HHAT: variants seen among roughly 807,000 people sequenced by gnomAD.
HHAT encodes hedgehog acyltransferase.
In HHAT, 47 loss-of-function variants were observed where a neutral mutation model predicts 70.8. The observed-to-expected ratio is 0.66, with a 90% CI of 0.53 to 0.85. HHAT has a LOEUF of 0.85. Among genes scored for constraint, HHAT ranks in the 40% least tolerant of loss-of-function variants. HHAT has a pLI of 0.00. For synonymous variants in HHAT, 228 were observed against 247.6 expected, an observed-to-expected ratio of 0.92 and a Z score of 0.74; for missense variants, 609 against 604.8, an observed-to-expected ratio of 1.01 and a Z score of -0.07.
At chr1:210,501,147 C>G (rs186151592) in intron 8 of HHAT, among the ~76,000 whole-genome samples, 1 of 152,352 alleles carries the variant, frequency 6.6e-6, no homozygotes, top group African/African-American at 2.4e-5. Flanking sequence ...TGCTGGAGGA[C>G]CACACTCTGC....
intron 8 of HHAT, among the ~76,000 whole-genome samples, chr1:210,490,137 T>C (rs762583573): frequency 3.3e-5 from 5 of 152,368 alleles, no homozygotes; most frequent in Middle Eastern, 6.8e-3. Flanking sequence ...AAGTTTGGCA[T>C]CTGAGCTTTG....
At chr1:210,499,669 G>A (rs981164125) in intron 8 of HHAT, among the ~76,000 whole-genome samples, 2 of 151,792 alleles carry the variant, frequency 1.3e-5, no homozygotes, top group Non-Finnish European at 2.9e-5. Context: ...TTATGGAAGG[G>A]AAAATAGCCA....
chr1:210,631,810 T>C (rs905519749), intron 11 of HHAT, among the ~76,000 whole-genome samples: 5 of 152,280 alleles, frequency 3.3e-5, no homozygotes, highest in African/African-American at 1.2e-4. Flanking sequence ...TCAGGAATTC[T>C]ATCTGGCATG....
intron 3 of HHAT, among the ~76,000 whole-genome samples, chr1:210,376,014 ATTTTTTT>A (rs57707354): frequency 6.3e-4 from 69 of 108,894 alleles, no homozygotes; most frequent in African/African-American, 1.8e-3. Context: ...TGCACAGCTA[ATTTTTTT>A]TTTTTTTTTT....
At chr1:210,511,586 AC>A (rs538676481) in intron 8 of HHAT, among the ~76,000 whole-genome samples, 2 of 151,586 alleles carry the variant, frequency 1.3e-5, no homozygotes, top group Non-Finnish European at 2.9e-5. Context: ...CAGGCGTCAG[AC>A]CCCCCCTCGA....
At chr1:210,381,691 A>AT (rs1357108060) in intron 3 of HHAT, among the ~76,000 whole-genome samples, 1 of 152,220 alleles carries the variant, frequency 6.6e-6, no homozygotes, top group Non-Finnish European at 1.5e-5. Flanking sequence ...CATAGACATA[A>AT]TAAAACAGTG....
chr1:210,636,492 A>T (rs576019720), intron 11 of HHAT, among the ~76,000 whole-genome samples: 2 of 152,364 alleles, frequency 1.3e-5, no homozygotes, highest in South Asian at 4.2e-4. Flanking sequence ...CAGTCTAGAC[A>T]GACAGATGTC....
At chr1:210,481,957 G>T (rs1012061221) in intron 8 of HHAT, among the ~76,000 whole-genome samples, 2 of 152,158 alleles carry the variant, frequency 1.3e-5, no homozygotes, top group African/African-American at 4.8e-5. Flanking sequence ...TAGCAAGAAG[G>T]CCAGTGTGGC....
At chr1:210,634,516 G>C (rs1671494807) in intron 11 of HHAT, among the ~76,000 whole-genome samples, 1 of 152,172 alleles carries the variant, frequency 6.6e-6, no homozygotes, top group Admixed American at 6.5e-5. Flanking sequence ...ACAACATAAT[G>C]GCACAGCAGC....
chr1:210,505,578 G>A (rs892653519), intron 8 of HHAT, among the ~76,000 whole-genome samples: 3 of 152,118 alleles, frequency 2.0e-5, no homozygotes, highest in Non-Finnish European at 2.9e-5. Context: ...AACTAATCAG[G>A]GCTTCTTGAG....
chr1:210,453,856 G>A (rs1472931056), intron 7 of HHAT, among the ~76,000 whole-genome samples: 1 of 152,150 alleles, frequency 6.6e-6, no homozygotes, highest in East Asian at 1.9e-4. Context: ...GTGATGGACT[G>A]TATTAGTTTG....
chr1:210,472,969 G>A (rs1246209755), intron 8 of HHAT, among the ~76,000 whole-genome samples: 2 of 152,146 alleles, frequency 1.3e-5, no homozygotes, highest in African/African-American at 4.8e-5. Context: ...TTCTTATTAT[G>A]TAGATGAAGT....
intron 3 of HHAT, among the ~76,000 whole-genome samples, chr1:210,380,299 G>A (rs2090532900): frequency 6.6e-6 from 1 of 152,192 alleles, no homozygotes. Flanking sequence ...CCAGCACTTT[G>A]GGAGGCTGAG....
intron 9 of HHAT, among the ~76,000 whole-genome samples, chr1:210,540,400 T>C (rs756695297): frequency 3.3e-5 from 5 of 151,994 alleles, no homozygotes; most frequent in Non-Finnish European, 7.4e-5. Flanking sequence ...CAAAATATTA[T>C]GTGGTTTTCT....
chr1:210,332,237 G>A (rs1008246376), intron 1 of HHAT, among the ~76,000 whole-genome samples: 1 of 152,180 alleles, frequency 6.6e-6, no homozygotes, highest in Non-Finnish European at 1.5e-5. Flanking sequence ...CTACCCAAAA[G>A]GACCAATTCG....
At chr1:210,360,841 CTT>C (rs1275048740) in intron 2 of HHAT, among the ~76,000 whole-genome samples, 1 of 109,694 alleles carries the variant, frequency 9.1e-6, no homozygotes, top group Non-Finnish European at 1.7e-5. Context: ...AAATAATTAA[CTT>C]CACTTTTTTT....
chr1:210,432,245 G>A (rs145345668), intron 7 of HHAT, among the ~76,000 whole-genome samples: 3 of 151,924 alleles, frequency 2.0e-5, no homozygotes, highest in Non-Finnish European at 2.9e-5. Flanking sequence ...CTTGAAAAAT[G>A]TGTAGAATGA....
At chr1:210,628,969 C>T (rs917826097) in intron 11 of HHAT, among the ~76,000 whole-genome samples, 1 of 152,196 alleles carries the variant, frequency 6.6e-6, no homozygotes, top group Non-Finnish European at 1.5e-5. Flanking sequence ...GCGGTCTTTC[C>T]TAGCCCTTCC....
rs564202290 is a variant in HHAT at position 210,344,346 on chromosome 1, ACTGT to A, written c.-43-4582_-43-4579del. 8.2e-3 allele frequency among the ~76,000 whole-genome samples: 1,252 copies of A among 152,150 alleles called. 10 individuals are homozygous for A. The highest frequency in any genetic ancestry group is 0.012 in the Non-Finnish European group (833 of 67,998). ...AGAAAATGGAGTTTCTGCTGGGGCC[ACTGT>A]CTGTGGAGTTTGCACATTCTCGCTA... On this transcript the variant is annotated intron_variant, in intron 1 of 11. Coordinates refer to ENST00000261458, the MANE Select transcript of HHAT (RefSeq NM_018194.6).
Sources: allele counts gnomAD v4.1 joint callset (sites outside exome capture counted in the v4.1 genomes callset), GRCh38; gene constraint gnomAD v4.1.1; transcripts MANE v1.5; gene names NCBI Gene and HGNC (gene_info 2026-07-23, HGNC 2026-07-21).